Variants in CTNNA3 observed in about 807,000 individuals in gnomAD.
CTNNA3 encodes the protein catenin alpha 3, also known as catenin alpha-3.
CTNNA3 carries 76 observed loss-of-function variants against 95.7 expected under a neutral mutation model. The observed-to-expected ratio is 0.79, with a 90% CI of 0.66 to 0.96. The LOEUF is 0.96. Ranked by LOEUF, CTNNA3 falls within the 40% of genes least tolerant of loss-of-function variation. The pLI is 0.00. For missense variants in CTNNA3, 1,191 were observed against 1,089.8 expected, an observed-to-expected ratio of 1.09 and a Z score of -1.31; for synonymous variants, 431 against 374.4, an observed-to-expected ratio of 1.15 and a Z score of -1.74.
intron 9 of CTNNA3, among the ~76,000 whole-genome samples, chr10:66,685,032 G>A (rs983517113): frequency 5.3e-5 from 8 of 150,952 alleles, no homozygotes; most frequent in African/African-American, 1.9e-4. Flanking sequence ...CAAGCTATTG[G>A]TTTGAATTAT....
At chr10:66,262,639 A>C (rs1320637363) in intron 13 of CTNNA3, among the ~76,000 whole-genome samples, 1 of 152,010 alleles carries the variant, frequency 6.6e-6, no homozygotes, top group Non-Finnish European at 1.5e-5. Flanking sequence ...TTTATGTAGA[A>C]AATGATATTA....
chr10:67,677,727 G>C (rs1840560112), intron 1 of CTNNA3, among the ~76,000 whole-genome samples: 1 of 152,132 alleles, frequency 6.6e-6, no homozygotes, highest in South Asian at 2.1e-4. Flanking sequence ...CACAGGATGA[G>C]AGGGGACAAG....
chr10:66,627,552 C>A (rs748868506), intron 9 of CTNNA3, among the ~76,000 whole-genome samples: 1 of 152,022 alleles, frequency 6.6e-6, no homozygotes, highest in Non-Finnish European at 1.5e-5. Context: ...AAGTACTGAG[C>A]CAGAAACTTA....
At chr10:67,617,221 C>T (rs930716520) in intron 2 of CTNNA3, among the ~76,000 whole-genome samples, 3 of 152,090 alleles carry the variant, frequency 2.0e-5, no homozygotes, top group Non-Finnish European at 2.9e-5. Context: ...GGTATGAAGC[C>T]TAGCACTCAA....
At chr10:67,104,171 A>AT (rs1271858120) in intron 7 of CTNNA3, among the ~76,000 whole-genome samples, 1 of 151,878 alleles carries the variant, frequency 6.6e-6, no homozygotes, top group Non-Finnish European at 1.5e-5. Context: ...AACTATATGG[A>AT]TGAATGGTCA....
At chr10:67,232,384 A>C (rs950635695) in intron 5 of CTNNA3, among the ~76,000 whole-genome samples, 3 of 152,070 alleles carry the variant, frequency 2.0e-5, no homozygotes, top group African/African-American at 7.2e-5. Flanking sequence ...AGAATTTTCA[A>C]CCCAGAATTT....
At chr10:67,652,843 T>C (rs963205712) in intron 1 of CTNNA3, among the ~76,000 whole-genome samples, 7 of 152,192 alleles carry the variant, frequency 4.6e-5, no homozygotes, top group African/African-American at 1.7e-4. Flanking sequence ...TTCCTTCCTG[T>C]TTTTGTTTTT....
chr10:67,392,800 A>G (rs1385487519), intron 5 of CTNNA3, among the ~76,000 whole-genome samples: 4 of 152,142 alleles, frequency 2.6e-5, no homozygotes, highest in African/African-American at 9.6e-5. Context: ...GTAAACTATC[A>G]CAAGAACAAA....
At chr10:66,323,549 G>A (rs1423293859) in intron 12 of CTNNA3, among the ~76,000 whole-genome samples, 1 of 151,786 alleles carries the variant, frequency 6.6e-6, no homozygotes, top group African/African-American at 2.4e-5. Flanking sequence ...TACTCAAGGA[G>A]GCTGAGGCAG....
At chr10:66,930,616 T>C (rs1037969333) in intron 7 of CTNNA3, among the ~76,000 whole-genome samples, 2 of 152,316 alleles carry the variant, frequency 1.3e-5, no homozygotes, top group East Asian at 3.9e-4. Context: ...GGAATACTTA[T>C]ATTTTTGAAT....
At chr10:67,144,687 A>T (rs1325556332) in intron 7 of CTNNA3, among the ~76,000 whole-genome samples, 4 of 152,132 alleles carry the variant, frequency 2.6e-5, no homozygotes, top group Admixed American at 1.3e-4. Context: ...AAAATTGAAG[A>T]GGGTTAGGTT....
intron 12 of CTNNA3, among the ~76,000 whole-genome samples, chr10:66,306,987 A>T (rs1160925104): frequency 6.6e-6 from 1 of 152,244 alleles, no homozygotes; most frequent in Non-Finnish European, 1.5e-5. Flanking sequence ...ATTAGCTAAC[A>T]GTTACTGAAC....
chr10:66,085,666 GC>G (rs773385520), intron 14 of CTNNA3, among the ~76,000 whole-genome samples: 2 of 152,080 alleles, frequency 1.3e-5, no homozygotes, highest in Non-Finnish European at 2.9e-5. Flanking sequence ...AGTTTTAAGT[GC>G]TAAAAACTGC....
At chr10:65,969,406 G>C (rs569441411) in intron 16 of CTNNA3, among the ~76,000 whole-genome samples, 26 of 152,264 alleles carry the variant, frequency 1.7e-4, no homozygotes, top group African/African-American at 6.0e-4. Context: ...TACCATACTA[G>C]TTCTCCAGCT....
At chr10:66,151,045 T>A (rs1345713653) in intron 13 of CTNNA3, among the ~76,000 whole-genome samples, 2 of 152,056 alleles carry the variant, frequency 1.3e-5, no homozygotes. Flanking sequence ...ACTTTTAAAA[T>A]GCAATTATAA....
chr10:67,027,257 T>A (rs1853445701), intron 7 of CTNNA3, among the ~76,000 whole-genome samples: 1 of 152,136 alleles, frequency 6.6e-6, no homozygotes, highest in Non-Finnish European at 1.5e-5. Context: ...AAGATAGAGC[T>A]GAATGAGTCA....
chr10:67,067,680 G>A (rs976080349), intron 7 of CTNNA3, among the ~76,000 whole-genome samples: 1 of 152,144 alleles, frequency 6.6e-6, no homozygotes, highest in Non-Finnish European at 1.5e-5. Context: ...AAGCTCTTAG[G>A]TGATTCAAAA....
intron 7 of CTNNA3, among the ~76,000 whole-genome samples, chr10:66,814,079 G>T (rs1013399439): frequency 9.9e-5 from 15 of 151,996 alleles, no homozygotes; most frequent in South Asian, 4.2e-4. Flanking sequence ...GACTTATAAG[G>T]TTGCTAAACC....
intron 10 of CTNNA3, among the ~76,000 whole-genome samples, chr10:66,528,095 C>T (rs1482005096): frequency 6.6e-6 from 1 of 152,044 alleles, no homozygotes; most frequent in African/African-American, 2.4e-5. Context: ...AAGGACATTC[C>T]CTGCCCACGC....
Sources: gnomAD v4.1 joint callset for allele counts (sites outside exome capture counted in the v4.1 genomes callset) on GRCh38, gnomAD v4.1.1 for gene constraint, MANE v1.5 for transcripts, NCBI Gene and HGNC (gene_info 2026-07-23, HGNC 2026-07-21) for gene names.